The following SH3GL2 variants were observed in gnomAD, a reference collection of about 807,000 sequenced individuals.
The protein encoded by SH3GL2 is SH3 domain containing GRB2 like 2, endophilin A1.
In SH3GL2, 24 loss-of-function variants were observed where a neutral mutation model predicts 46.0. The observed-to-expected ratio is 0.52, with a 90% CI of 0.38 to 0.73. The LOEUF (loss-of-function observed/expected upper bound fraction) is 0.73, where lower values mean the gene tolerates loss of function less well. Ranked by LOEUF, SH3GL2 falls within the 30% of genes least tolerant of loss-of-function variation. The probability of loss-of-function intolerance (pLI) is 0.00; values close to 1 mark genes in which losing one functional copy is unlikely to be tolerated. For missense variants in SH3GL2, 413 were observed against 424.2 expected (o/e 0.97, Z 0.23); for synonymous variants, 196 against 147.1 (o/e 1.33, Z -2.40).
chr9:17,680,572 A>G (rs188214468), intron 1 of SH3GL2, among the ~76,000 whole-genome samples: 237 of 151,960 alleles, frequency 1.6e-3, no homozygotes, highest in South Asian at 4.4e-3. Flanking sequence ...GATCTTTTCA[A>G]AAAACCAGCT....
chr9:17,728,911 C>G (rs1325498638), intron 1 of SH3GL2, among the ~76,000 whole-genome samples: 1 of 151,986 alleles, frequency 6.6e-6, no homozygotes, highest in Non-Finnish European at 1.5e-5. Context: ...GTCTTTGTTA[C>G]TGTGAATACT....
At position 17,668,016 on chromosome 9, in the gene SH3GL2, T is replaced by G. The variant is rs1265391352; in HGVS notation, c.46-79050T>G. 3.3e-5 allele frequency among the ~76,000 whole-genome samples: 5 copies of G among 152,332 alleles called. No homozygotes were observed. The East Asian group carries it at 9.6e-4, about 29-fold the overall frequency. On this transcript the variant is annotated intron_variant, in intron 1 of 8. Coordinates refer to ENST00000380607, the MANE Select transcript of SH3GL2 (RefSeq NM_003026.5). The stretch of plus-strand genomic sequence containing the variant: ...AAATATTGAGTTGTTTTTATTAAGT[T>G]TATATGTTCTGGACACTAGACTCTT...
intron 1 of SH3GL2, among the ~76,000 whole-genome samples, chr9:17,603,059 A>G (rs1473280540): frequency 6.6e-6 from 1 of 152,230 alleles, no homozygotes; most frequent in Non-Finnish European, 1.5e-5. Flanking sequence ...TGTGGGACTG[A>G]TTCTGAGGAC....
chr9:17,790,100 A>G (rs75340291), intron 6 of SH3GL2, among the ~76,000 whole-genome samples: 8,586 of 152,228 alleles, frequency 0.056, 352 homozygotes, highest in African/African-American at 0.11. Flanking sequence ...AAGGCCAGAA[A>G]GCCTAGAGCT....
intron 1 of SH3GL2, among the ~76,000 whole-genome samples, chr9:17,736,690 G>A (rs550689422): frequency 2.6e-5 from 4 of 152,136 alleles, no homozygotes; most frequent in Non-Finnish European, 4.4e-5. Context: ...AATACATTCA[G>A]ATATCCATCG....
rs1179298144 is a variant in SH3GL2, at chr9:17,783,243, G to A, written c.188-3138G>A. Reference sequence around the variant, plus strand: ...TTAGCTATGTCTGTATGTGCTCAAAGCTAATGTTCATTTTAATGGACTCTG... The same window carrying A: ...TTAGCTATGTCTGTATGTGCTCAAAACTAATGTTCATTTTAATGGACTCTG... On this transcript the variant is annotated intron_variant, in intron 3 of 8. Coordinates refer to ENST00000380607, the MANE Select transcript of SH3GL2 (RefSeq NM_003026.5). Among the ~76,000 whole-genome samples the A allele has an allele frequency of 1.1e-4, 16 of 151,960 alleles. 1 individual carries two copies. The highest frequency in any genetic ancestry group is 1.1e-3 in the Admixed American group (16 of 15,232).
chr9:17,610,673 G>GT (rs1818844682), intron 1 of SH3GL2, among the ~76,000 whole-genome samples: 1 of 151,826 alleles, frequency 6.6e-6, no homozygotes, highest in African/African-American at 2.4e-5. Context: ...TGACGAAGAA[G>GT]TTTAACACAA....
chr9:17,579,168 C>A lies in SH3GL2; in HGVS notation c.-75C>A. ...ACCAGAGGCGGCCAGGGGAGCGCGC[C>A]GCCCCGCTCGGCCCTCCAGTCCCCC... On this transcript the variant is annotated 5_prime_UTR_variant, in exon 1 of 9. Coordinates refer to ENST00000380607, the MANE Select transcript of SH3GL2 (RefSeq NM_003026.5). The A allele has an allele frequency of 2.7e-6, 3 of 1,128,038 alleles. No individual in the cohort carries two copies. The highest frequency in any genetic ancestry group is 1.5e-5 in the South Asian group (1 of 65,372). 69.9% of individuals were successfully genotyped at this position (1,128,038 alleles called of 1,614,324 possible).
rs374899332 is a variant in SH3GL2, at chr9:17,765,536, T to C, written c.187+4027T>C. On this transcript the variant is annotated intron_variant, in intron 3 of 8. Transcript: ENST00000380607. ...ATTTTAAAAAGCAAATTTGGTCATA[T>C]TATGTAAAACCCTTCCATGGCTTTT... 6.6e-5 allele frequency among the ~76,000 whole-genome samples: 10 copies of C among 152,344 alleles called. No individual in the cohort carries two copies. The East Asian group carries it at 1.7e-3, about 26-fold the overall frequency.
chr9:17,615,759 T>C (rs947655993), intron 1 of SH3GL2, among the ~76,000 whole-genome samples: 2 of 151,902 alleles, frequency 1.3e-5, no homozygotes, highest in Non-Finnish European at 2.9e-5. Context: ...ACTACTTAAT[T>C]ACAGAGATCT....
chr9:17,759,649 C>G (rs1234873020), intron 2 of SH3GL2, among the ~76,000 whole-genome samples: 1 of 152,056 alleles, frequency 6.6e-6, no homozygotes, highest in Admixed American at 6.6e-5. Context: ...AAACAGAAGA[C>G]AGCTTATGGT....
At chr9:17,686,351 C>G (rs1339971327) in intron 1 of SH3GL2, among the ~76,000 whole-genome samples, 1 of 134,508 alleles carries the variant, frequency 7.4e-6, no homozygotes, top group Non-Finnish European at 1.6e-5. Context: ...GGACTGTAAA[C>G]TAGTTCAACC....
At chr9:17,690,927 G>A (rs1821060738) in intron 1 of SH3GL2, among the ~76,000 whole-genome samples, 1 of 152,132 alleles carries the variant, frequency 6.6e-6, no homozygotes, top group South Asian at 2.1e-4. Flanking sequence ...ATAGTGATTA[G>A]CTGGAAGTAA....
chr9:17,776,300 A>C (rs977463572), intron 3 of SH3GL2, among the ~76,000 whole-genome samples: 9 of 151,128 alleles, frequency 6.0e-5, no homozygotes, highest in Non-Finnish European at 1.3e-4. Context: ...AGACATTAAA[A>C]CTCCCTGTTT....
At chr9:17,602,645 A>G (rs1449592308) in intron 1 of SH3GL2, among the ~76,000 whole-genome samples, 1 of 152,204 alleles carries the variant, frequency 6.6e-6, no homozygotes, top group Non-Finnish European at 1.5e-5. Context: ...CAAAAGAAGG[A>G]TTATAAACAA....
intron 2 of SH3GL2, among the ~76,000 whole-genome samples, chr9:17,751,122 A>G (rs573341622): frequency 3.3e-5 from 5 of 152,342 alleles, no homozygotes; most frequent in African/African-American, 1.2e-4. Flanking sequence ...AACCCAGAAG[A>G]TGTCCTAGGG....
intron 1 of SH3GL2, among the ~76,000 whole-genome samples, chr9:17,732,802 A>G (rs1190013516): frequency 6.6e-6 from 1 of 152,130 alleles, no homozygotes; most frequent in Non-Finnish European, 1.5e-5. Flanking sequence ...TTAGCAATAT[A>G]AACAGTTATG....
At chr9:17,670,335 T>C (rs2182083) in intron 1 of SH3GL2, among the ~76,000 whole-genome samples, 53,494 of 152,060 alleles carry the variant, frequency 0.35, 10,923 homozygotes, top group East Asian at 0.54. Flanking sequence ...GGGCTGCTTT[T>C]TGTTAGAAGG....
intron 1 of SH3GL2, among the ~76,000 whole-genome samples, chr9:17,608,734 C>T (rs1818805745): frequency 6.6e-6 from 1 of 152,118 alleles, no homozygotes; most frequent in Non-Finnish European, 1.5e-5. Flanking sequence ...AAAATTATTC[C>T]TGAAGGTTAA....
Sources: allele counts gnomAD v4.1 joint callset (sites outside exome capture counted in the v4.1 genomes callset), GRCh38; gene constraint gnomAD v4.1.1; transcripts MANE v1.5; gene names NCBI Gene and HGNC (gene_info 2026-07-23, HGNC 2026-07-21).